Variants in NEB observed in about 807,000 individuals in gnomAD.
NEB encodes the protein nemaline myopathy type 2.
Under a neutral mutation model 952.2 loss-of-function variants are expected in NEB, and 512 were observed. That is an observed-to-expected ratio of 0.54 (90% confidence interval 0.50 to 0.58). The LOEUF (loss-of-function observed/expected upper bound fraction) is 0.58. Among genes scored for constraint, NEB ranks in the 20% least tolerant of loss-of-function variants. The pLI is 0.00. For synonymous variants in NEB, 2,900 were observed against 3,149.8 expected, an observed-to-expected ratio of 0.92 and a Z score of 2.66; for missense variants, 8,428 against 9,231.1, an observed-to-expected ratio of 0.91 and a Z score of 3.56.
intron 171 of NEB, chr2:151,497,359 G>A: frequency 1.0e-6 from 1 of 982,104 alleles, no homozygotes; most frequent in African/African-American, 1.8e-5. Context: ...GAACTCAGTG[G>A]TGTTATCCAC....
chr2:151,664,183 A>C (rs973249413), intron 44 of NEB, among the ~76,000 whole-genome samples: 7 of 152,226 alleles, frequency 4.6e-5, no homozygotes, highest in Non-Finnish European at 4.4e-5. Flanking sequence ...CTCATGGTGC[A>C]TCTTTAAAGA....
At chr2:151,551,911 A>G in intron 128 of NEB, 66 bp from the exon 129 acceptor site, 5 of 1,141,932 alleles carry the variant, frequency 4.4e-6, no homozygotes, top group Non-Finnish European at 6.4e-6. Context: ...TTTAAAAAAA[A>G]TAACGGTAGC....
At chr2:151,660,700 T>C (rs1260105383) in intron 46 of NEB, among the ~76,000 whole-genome samples, 1 of 152,196 alleles carries the variant, frequency 6.6e-6, no homozygotes, top group Non-Finnish European at 1.5e-5. Context: ...TCAACTCTGC[T>C]GTTGTAGTCC....
chr2:151,723,619 G>A, intron 8 of NEB, 133 bp from the exon 9 acceptor site: 1 of 589,078 alleles, frequency 1.7e-6, no homozygotes, highest in Non-Finnish European at 2.9e-6. Context: ...GAAATTCACA[G>A]ATAACTTCCC....
At chr2:151,513,277 C>T (rs7566225) in intron 160 of NEB, among the ~76,000 whole-genome samples, 97,401 of 152,016 alleles carry the variant, frequency 0.64, 31,542 homozygotes, top group East Asian at 0.77. Context: ...AATGAGTGGA[C>T]TGACTCAGAA....
chr2:151,577,968 T>A (rs1296757319), intron 105 of NEB, among the ~76,000 whole-genome samples: 3 of 152,200 alleles, frequency 2.0e-5, no homozygotes. Flanking sequence ...ATAAGTATTT[T>A]TAAAAGGATG....
intron 156 of NEB, among the ~76,000 whole-genome samples, chr2:151,516,799 A>C (rs2077959755): frequency 6.6e-6 from 1 of 152,224 alleles, no homozygotes; most frequent in African/African-American, 2.4e-5. Context: ...CAATTCAAGG[A>C]CACAAAAGAA....
chr2:151,697,329 A>T, intron 15 of NEB, 21 bp downstream of exon 15: 2 of 1,612,094 alleles, frequency 1.2e-6, no homozygotes, highest in Non-Finnish European at 1.7e-6. Context: ...TGGAAAGTCA[A>T]ACAATTGTCT....
chr2:151,635,829 A>G (rs1295570611), intron 64 of NEB, among the ~76,000 whole-genome samples: 1 of 152,138 alleles, frequency 6.6e-6, no homozygotes, highest in African/African-American at 2.4e-5. Flanking sequence ...TTAAAATACT[A>G]TCTATTCAAA....
chr2:151,671,261 C>A (rs1290585543), intron 37 of NEB, 32 bp from the exon 38 acceptor site: 2 of 1,547,978 alleles, frequency 1.3e-6, no homozygotes, highest in Non-Finnish European at 1.8e-6. Context: ...TGAGAAGATA[C>A]CCTGGAGAAT....
At chr2:151,657,452 C>A (rs542029783) in intron 48 of NEB, among the ~76,000 whole-genome samples, 1 of 152,044 alleles carries the variant, frequency 6.6e-6, no homozygotes, top group African/African-American at 2.4e-5. Flanking sequence ...TGCCGGCCAG[C>A]GCAGGGAAAG....
chr2:151,724,217 G>A, intron 8 of NEB, 43 bp downstream of exon 8: 1 of 1,401,436 alleles, frequency 7.1e-7, no homozygotes, highest in South Asian at 1.2e-5. Flanking sequence ...TATATGATGG[G>A]ATGACATAGG....
chr2:151,547,804 C>G (rs2094895929), intron 131 of NEB, 66 bp from the exon 132 acceptor site: 1 of 1,052,048 alleles, frequency 9.5e-7, no homozygotes, highest in African/African-American at 1.6e-5. Flanking sequence ...ACTGACTAAT[C>G]AAGAATAAAA....
At chr2:151,724,652 C>T (rs1199141771) in intron 7 of NEB, among the ~76,000 whole-genome samples, 2 of 152,206 alleles carry the variant, frequency 1.3e-5, no homozygotes, top group Non-Finnish European at 2.9e-5. Flanking sequence ...CCTCTTTGGG[C>T]AGGGCATGGA....
rs2154016610 is a variant in NEB, at chr2:151,618,379, T to C, written c.10972A>G (p.Ser3658Gly). The change falls in exon 74 of 182, where the codon AGT (serine) becomes GGT (glycine). Residue 3658 changes from serine (S) to glycine (G), a missense_variant. By Grantham distance (56) the Ser-to-Gly change is moderately conservative. Transcript: ENST00000397345. ...VRAKRAGELL[S>G]DTIYRQRPET... ...GGACGCTGACGGTAGATAGTATCAC[T>C]AAGTAATTCTCCAGCTCTCTTGGCC... 6.2e-7 allele frequency: 1 copy of C among 1,613,978 alleles called. No homozygotes were observed. Among genetic ancestry groups the C allele is most frequent in the Non-Finnish European group, 8.5e-7 (1 of 1,179,864 alleles).
chr2:151,647,361 C>T (rs529794859), intron 54 of NEB, among the ~76,000 whole-genome samples: 152 of 152,102 alleles, frequency 1.0e-3, no homozygotes, highest in African/African-American at 3.4e-3. Context: ...CCACCTGCCT[C>T]GGCCTCCCAA....
intron 135 of NEB, among the ~76,000 whole-genome samples, chr2:151,544,936 A>G (rs1468324406): frequency 6.6e-6 from 1 of 152,244 alleles, no homozygotes; most frequent in Non-Finnish European, 1.5e-5. Flanking sequence ...ACCTATAAGA[A>G]GAGCAACCAT....
At chr2:151,572,261 T>C (rs2096655890) in intron 107 of NEB, among the ~76,000 whole-genome samples, 1 of 151,906 alleles carries the variant, frequency 6.6e-6, no homozygotes, top group African/African-American at 2.4e-5. Flanking sequence ...GGCAGAAGTT[T>C]CAGCAAGCTG....
At chr2:151,643,585 A>G (rs2098915514) in intron 57 of NEB, among the ~76,000 whole-genome samples, 1 of 152,208 alleles carries the variant, frequency 6.6e-6, no homozygotes, top group Non-Finnish European at 1.5e-5. Flanking sequence ...ATAGGAAAGG[A>G]CTCAATCCTT....
Sources: gnomAD v4.1 joint callset for allele counts (sites outside exome capture counted in the v4.1 genomes callset) on GRCh38, gnomAD v4.1.1 for gene constraint, MANE v1.5 for transcripts, NCBI Gene and HGNC (gene_info 2026-07-23, HGNC 2026-07-21) for gene names.